Variants in TRHDE observed in about 807,000 individuals in gnomAD.
TRHDE encodes the protein thyrotropin releasing hormone degrading enzyme.
In TRHDE, 72 loss-of-function variants were observed where a neutral mutation model predicts 125.7. The observed-to-expected ratio is 0.57, with a 90% CI of 0.47 to 0.70. The LOEUF is 0.70. Ranked by LOEUF, TRHDE falls within the 30% of genes least tolerant of loss-of-function variation. TRHDE has a pLI of 0.00. For missense variants in TRHDE, 1,110 were observed against 1,327.1 expected, an observed-to-expected ratio of 0.84 and a Z score of 2.54; for synonymous variants, 509 against 509.1, an observed-to-expected ratio of 1.00 and a Z score of 0.00.
intron 5 of TRHDE, among the ~76,000 whole-genome samples, chr12:72,489,164 A>C (rs1447360603): frequency 6.6e-6 from 1 of 151,700 alleles, no homozygotes; most frequent in African/African-American, 2.4e-5. Flanking sequence ...GCAGAAATAA[A>C]TCAAATACAG....
chr12:72,603,550 C>A (rs1167391237), intron 12 of TRHDE, among the ~76,000 whole-genome samples: 1 of 151,892 alleles, frequency 6.6e-6, no homozygotes, highest in African/African-American at 2.4e-5. Flanking sequence ...ATGGTGAAAC[C>A]CCATCTCTAC....
chr12:72,661,760 A>T (rs1874927198), intron 18 of TRHDE, among the ~76,000 whole-genome samples: 1 of 152,088 alleles, frequency 6.6e-6, no homozygotes, highest in South Asian at 2.1e-4. Context: ...TTTTCTTAAT[A>T]TATGTAATTT....
At chr12:72,423,910 G>C (rs1191181506) in intron 3 of TRHDE, among the ~76,000 whole-genome samples, 2 of 152,070 alleles carry the variant, frequency 1.3e-5, no homozygotes, top group African/African-American at 2.4e-5. Context: ...TGAAGATGGA[G>C]GGGGAGGGCC....
rs1396600456 is a variant in TRHDE, at chr12:72,624,865, C to A, written c.2675+3114C>A. On this transcript the variant is annotated intron_variant, in intron 15 of 18. Coordinates refer to ENST00000261180, the MANE Select transcript of TRHDE (RefSeq NM_013381.3). The stretch of plus-strand genomic sequence containing the variant: ...CCAAGCATTTGGTGGAGATACAATG[C>A]AAATGATAAAAAGATCTTGAAAACA... Among the ~76,000 whole-genome samples the A allele has an allele frequency of 3.3e-5, 5 of 151,008 alleles. No individual in the cohort carries two copies. In the Admixed American group the frequency reaches 3.3e-4, roughly 10 times the overall value.
Position 72,189,572 on chromosome 12 carries a change from G to GGAAGAAAAATTT in TRHDE, n.279+83821_279+83832dup, listed in dbSNP as rs1399396469. 2.6e-5 allele frequency among the ~76,000 whole-genome samples: 4 copies of GGAAGAAAAATTT among 152,290 alleles called. No homozygotes were observed. The East Asian group carries it at 7.7e-4, about 29-fold the overall frequency. On this transcript the variant is annotated intron_variant and non_coding_transcript_variant, in intron 2 of 4. Coordinates refer to the TRHDE transcript ENST00000548156. ...GGTATGAAACGTGTAACTTGAGATT[G>GGAAGAAAAATTT]GAAGAAAAATTTAAAGAAAAATGTA...
chr12:72,222,427 C>A (rs1878019511), intron 2 of TRHDE, among the ~76,000 whole-genome samples: 1 of 152,126 alleles, frequency 6.6e-6, no homozygotes. Flanking sequence ...TGATAACTGG[C>A]ATCGTAGATC....
rs150098560 is a variant in TRHDE, at chr12:72,290,922, G to A, written c.1188+3968G>A. On this transcript the variant is annotated intron_variant, in intron 2 of 18. Transcript: ENST00000261180. The stretch of plus-strand genomic sequence containing the variant: ...TCTATTGGTTATAAGTGAGCACTAA[G>A]GATAGTGTTCTTTCAGCAAAAGAGG... Among the ~76,000 whole-genome samples the A allele has an allele frequency of 2.8e-4, 42 of 152,338 alleles. No individual in the cohort carries two copies. The East Asian group carries it at 7.7e-3, about 28-fold the overall frequency.
intron 3 of TRHDE, among the ~76,000 whole-genome samples, chr12:72,406,136 T>C (rs1291068002): frequency 2.6e-5 from 4 of 152,198 alleles, no homozygotes; most frequent in African/African-American, 9.6e-5. Flanking sequence ...TGCTGTATTA[T>C]TTCAAATACT....
chr12:72,366,436 T>G (rs139824830), intron 2 of TRHDE, among the ~76,000 whole-genome samples: 1 of 152,160 alleles, frequency 6.6e-6, no homozygotes, highest in East Asian at 1.9e-4. Flanking sequence ...CAAAATGCAG[T>G]TGGAAGATGT....
chr12:72,094,782 G>A (rs1420078820), intron 1 of TRHDE, among the ~76,000 whole-genome samples: 1 of 152,236 alleles, frequency 6.6e-6, no homozygotes, highest in Non-Finnish European at 1.5e-5. Flanking sequence ...TCTAGGTCTG[G>A]AGCCAGGAAC....
At chr12:72,173,546 C>T (rs1450695661) in intron 2 of TRHDE, among the ~76,000 whole-genome samples, 2 of 152,180 alleles carry the variant, frequency 1.3e-5, no homozygotes, top group Non-Finnish European at 2.9e-5. Flanking sequence ...ACTTATCCCA[C>T]CCGCATTGTT....
intron 2 of TRHDE, among the ~76,000 whole-genome samples, chr12:72,147,319 C>G (rs1358565666): frequency 6.6e-6 from 1 of 152,116 alleles, no homozygotes; most frequent in East Asian, 1.9e-4. Context: ...TCTAAGCAGG[C>G]TTGGTTCAGC....
chr12:72,151,424 C>T (rs1306560233), intron 2 of TRHDE, among the ~76,000 whole-genome samples: 1 of 152,156 alleles, frequency 6.6e-6, no homozygotes, highest in Non-Finnish European at 1.5e-5. Context: ...TCAATTTTGG[C>T]TTCTGTTGCC....
chr12:72,557,137 A>G (rs1869963143), intron 7 of TRHDE, among the ~76,000 whole-genome samples: 1 of 152,216 alleles, frequency 6.6e-6, no homozygotes, highest in Non-Finnish European at 1.5e-5. Flanking sequence ...GCTAGAGCAC[A>G]TGGTGCAATG....
intron 2 of TRHDE, among the ~76,000 whole-genome samples, chr12:72,177,481 A>G (rs1391124527): frequency 6.6e-6 from 1 of 152,122 alleles, no homozygotes; most frequent in African/African-American, 2.4e-5. Context: ...AACCCAAACA[A>G]TCCAAACTAC....
rs1195928373 is a variant in TRHDE at position 72,118,845 on chromosome 12, A to G, written n.279+13093A>G. Among the ~76,000 whole-genome samples, 4 of 152,096 alleles carry G rather than the reference A, an allele frequency of 2.6e-5. No individual in the cohort carries two copies. In the East Asian group the frequency reaches 7.7e-4, roughly 29 times the overall value. ...GACTTACTGGCATATAGTTGCTCAT[A>G]GTAGCCTCTAATAATTCTTTGATTT... On this transcript the variant is annotated intron_variant and non_coding_transcript_variant, in intron 2 of 4. Coordinates refer to the TRHDE transcript ENST00000548156.
chr12:72,603,687 TG>T (rs1398550322), intron 12 of TRHDE, among the ~76,000 whole-genome samples: 1 of 152,014 alleles, frequency 6.6e-6, no homozygotes, highest in Non-Finnish European at 1.5e-5. Flanking sequence ...ATTGCGCCAC[TG>T]CACTCCAGCC....
Position 72,532,085 on chromosome 12 carries a change from T to C in TRHDE, c.1723-10206T>C, listed in dbSNP as rs187086020. Among the ~76,000 whole-genome samples, 40 of 152,198 alleles carry C rather than the reference T, an allele frequency of 2.6e-4. No individual in the cohort carries two copies. The East Asian group carries it at 6.9e-3, about 26-fold the overall frequency. Reference sequence around the variant, plus strand: ...TTCTAAAGAATATAGTTCTTCATTTTTACATCCTTGTGTGTTTGGTTAAGT... The same window carrying C: ...TTCTAAAGAATATAGTTCTTCATTTCTACATCCTTGTGTGTTTGGTTAAGT... On this transcript the variant is annotated intron_variant, in intron 6 of 18. Coordinates refer to ENST00000261180, the MANE Select transcript of TRHDE (RefSeq NM_013381.3).
In TRHDE at chr12:72,153,265, C is replaced by T. The variant is rs555084337; in HGVS notation, n.279+47513C>T. Among the ~76,000 whole-genome samples, 14 of 152,026 alleles carry T rather than the reference C, an allele frequency of 9.2e-5. 2 individuals carry two copies. The South Asian group carries it at 1.0e-3, about 11-fold the overall frequency. ...ATCTCCCCTTTATCATTTTTAATTG[C>T]GCCTATTTGATTCTTCTCTCTTTTC... is the stretch of plus-strand genomic sequence containing the variant. On this transcript the variant is annotated intron_variant and non_coding_transcript_variant, in intron 2 of 4. Transcript: ENST00000548156.
Sources: allele counts gnomAD v4.1 joint callset (sites outside exome capture counted in the v4.1 genomes callset), GRCh38; gene constraint gnomAD v4.1.1; transcripts MANE v1.5; gene names NCBI Gene and HGNC (gene_info 2026-07-23, HGNC 2026-07-21).